Variants in FLNA observed in about 807,000 individuals in gnomAD.
FLNA encodes filamin A, also known as filamin-A.
FLNA carries 7 observed loss-of-function variants against 157.6 expected under a neutral mutation model. The observed-to-expected ratio is 0.04, with a 90% CI of 0.03 to 0.08. The LOEUF (loss-of-function observed/expected upper bound fraction) is 0.08, where lower values mean the gene tolerates loss of function less well. Among genes scored for constraint, FLNA ranks in the 10% least tolerant of loss-of-function variants. FLNA has a pLI of 1.00. For synonymous variants in FLNA, 1,103 were observed against 1,060.8 expected (o/e 1.04, Z -0.77); for missense variants, 1,750 against 2,398.4 (o/e 0.73, Z 5.65).
intron 1 of FLNA, 107 bp from the exon 2 acceptor site, chrX:154,371,468 A>T (rs1237678108): frequency 3.2e-6 from 1 of 310,392 alleles, no homozygotes. Flanking sequence ...CGCCTGCCCC[A>T]CCCCGCCCCG....
At chrX:154,356,538 G>A (rs184472632) in intron 30 of FLNA, among the ~76,000 whole-genome samples, 3 of 111,167 alleles carry the variant, frequency 2.7e-5, no homozygotes, top group Non-Finnish European at 3.8e-5. Context: ...TAGCCACCTC[G>A]CCCAAGTGCC....
chrX:154,361,888 G>A, intron 19 of FLNA, 91 bp downstream of exon 19: 2 of 1,120,237 alleles, frequency 1.8e-6, no homozygotes, highest in East Asian at 3.0e-5. Context: ...GGTAAGGAAT[G>A]AGAGTGGGCA....
At position 154,359,080 on chromosome X, in the gene FLNA, G is replaced by A; in HGVS notation, c.4378C>T (p.Pro1460Ser). The A allele has an allele frequency of 1.7e-6, 2 of 1,210,971 alleles. No homozygotes were observed. The highest frequency in any genetic ancestry group is 2.2e-6 in the Non-Finnish European group (2 of 895,126). The change falls in exon 26 of 48, where the codon CCA becomes TCA. Residue 1460 changes from proline (P) to serine (S), a missense_variant. Pro to Ser is a moderately conservative substitution (Grantham distance 74). Transcript: ENST00000369850. ...KVKCSGPGLS[P>S]GMVRANLPQS... ...GGGAGGTTGGCACGAACCATGCCTGGGCTCAGGCCGGGCCCAGAGCACTTG... is the reference window on the plus strand; with the variant it reads ...GGGAGGTTGGCACGAACCATGCCTGAGCTCAGGCCGGGCCCAGAGCACTTG...
Position 154,358,470 on chromosome X carries a change from A to G in FLNA, c.4573T>C (p.Tyr1525His). 8.3e-7 allele frequency: 1 copy of G among 1,210,095 alleles called. No individual in the cohort carries two copies. Among genetic ancestry groups the G allele is most frequent in the Non-Finnish European group, 1.1e-6 (1 of 894,786 alleles). ...REGPYSISVL[Y>H]GDEEVPRSPF... ...CTCCGGGGTACCTCTTCATCTCCATACAGTACTGAGATGCTGTAGGGCCCT... is the reference window on the plus strand; with the variant it reads ...CTCCGGGGTACCTCTTCATCTCCATGCAGTACTGAGATGCTGTAGGGCCCT... The change falls in exon 27 of 48, where the codon TAT (tyrosine) becomes CAT (histidine). Residue 1525 changes from tyrosine (Y) to histidine (H), a missense_variant. This residue lies in a region of FLNA where 970 missense variants were observed against 1,302.6 expected (regional missense o/e 0.74). Transcript: ENST00000369850.
At chrX:154,357,962 G>C (rs782517582) in intron 28 of FLNA, among the ~76,000 whole-genome samples, 1 of 112,518 alleles carries the variant, frequency 8.9e-6, no homozygotes, top group South Asian at 3.6e-4. Flanking sequence ...GGGAAACTGA[G>C]GCACAGAAGG....
intron 43 of FLNA, 101 bp downstream of exon 43, chrX:154,351,480 A>AG (rs1175368896): frequency 2.8e-5 from 16 of 572,215 alleles, no homozygotes; most frequent in East Asian, 1.1e-4. Context: ...GAGCTGGGCC[A>AG]GGGGGGTCAC....
chrX:154,359,207 C>G, intron 25 of FLNA, 39 bp downstream of exon 25: 1 of 1,210,740 alleles, frequency 8.3e-7, no homozygotes, highest in Non-Finnish European at 1.1e-6. Context: ...TGGGGACGAG[C>G]AGACAGTCCC....
chrX:154,363,789 G>A (rs1326013930), intron 15 of FLNA, among the ~76,000 whole-genome samples: 8 of 112,108 alleles, frequency 7.1e-5, no homozygotes, highest in Non-Finnish European at 1.5e-4. Context: ...CGAAAACACG[G>A]AAAACTTCGT....
chrX:154,348,958 C>T lies in FLNA; in HGVS notation c.7835G>A (p.Arg2612Gln), dbSNP rs200883457. 23 of 1,209,642 alleles carry T rather than the reference C, an allele frequency of 1.9e-5. No individual in the cohort carries two copies. The highest frequency in any genetic ancestry group is 4.6e-4 in the Middle Eastern group (2 of 4,367). Residue 2612 changes from arginine to glutamine, a missense_variant, in exon 48 of 48, where the codon CGG (arginine) becomes CAG (glutamine). Arg to Gln is a conservative substitution (Grantham distance 43, BLOSUM62 1). Coordinates refer to ENST00000369850, the MANE Select transcript of FLNA (RefSeq NM_001110556.2). Reference sequence around the variant, plus strand: ...GAGCAGGTAGGACACGCTGTAGAGCCGGCTGCCCACGTGCTTCACCAGGAT... The same window carrying T: ...GAGCAGGTAGGACACGCTGTAGAGCTGGCTGCCCACGTGCTTCACCAGGAT... ...EEILVKHVGS[R>Q]LYSVSYLLKD...
chrX:154,371,287 G>A lies in FLNA; in HGVS notation c.-42C>T, dbSNP rs782643721. Reference sequence around the variant, plus strand: ...CCGGGGGGGCGGTGCTGCAGCCTCGGCGAGGGGACGGCCCTTTAATTAAAG... The same window carrying A: ...CCGGGGGGGCGGTGCTGCAGCCTCGACGAGGGGACGGCCCTTTAATTAAAG... On this transcript the variant is annotated 5_prime_UTR_variant, in exon 2 of 48. Transcript: ENST00000369850. The A allele has an allele frequency of 2.5e-6, 3 of 1,187,003 alleles. No individual in the cohort carries two copies. Among genetic ancestry groups the A allele is most frequent in the Non-Finnish European group, 3.4e-6 (3 of 887,105 alleles).
rs1557175376 is a variant in FLNA at position 154,349,764 on chromosome X, G to A, written c.7437C>T (p.Cys2479=). 2 of 1,211,282 alleles carry A rather than the reference G, an allele frequency of 1.7e-6. No individual in the cohort carries two copies. The highest frequency in any genetic ancestry group is 3.0e-5 in the East Asian group (1 of 33,856). Residue 2479 remains cysteine (C), a synonymous_variant, in exon 46 of 48, where the codon TGC becomes TGT. Coordinates refer to ENST00000369850, the MANE Select transcript of FLNA (RefSeq NM_001110556.2). ...TATAGGTGACGCGGTAGCCCTCAGG[G>A]CACTCCTGGCAATCCATCTTCACCT... The part of the protein sequence containing the change: ...PSKVKMDCQE[C]PEGYRVTYTP...
chrX:154,365,927 C>A, intron 9 of FLNA, 97 bp downstream of exon 9: 2 of 867,891 alleles, frequency 2.3e-6, no homozygotes, highest in Non-Finnish European at 3.2e-6. Context: ...GTAGGGGCCC[C>A]GGGGCGGGCT....
At chrX:154,364,482 G>A in intron 13 of FLNA, 44 bp downstream of exon 13, 1 of 1,198,498 alleles carries the variant, frequency 8.3e-7, no homozygotes, top group Non-Finnish European at 1.1e-6. Flanking sequence ...ACCCCAAGCA[G>A]GAGCAGCAGG....
At chrX:154,361,243 G>A in intron 21 of FLNA, 65 bp downstream of exon 21, 2 of 1,097,932 alleles carry the variant, frequency 1.8e-6, no homozygotes, top group Non-Finnish European at 2.5e-6. Context: ...AGAAGATGGG[G>A]TACCTTTGGG....
At chrX:154,358,927 G>T (rs1004951833) in intron 26 of FLNA, 57 bp downstream of exon 26, 2 of 1,169,748 alleles carry the variant, frequency 1.7e-6, no homozygotes, top group Non-Finnish European at 2.3e-6. Flanking sequence ...TCCTTTCCCG[G>T]CCCTCAAACA....
rs781843787 is a variant in FLNA, at chrX:154,350,976, C to T, written c.7089G>A (p.Ala2363=). The T allele has an allele frequency of 2.5e-5, 30 of 1,209,700 alleles. No homozygotes were observed. Among genetic ancestry groups the T allele is most frequent in the Middle Eastern group, 2.3e-4 (1 of 4,371 alleles). The change falls in exon 44 of 48, where the codon GCG becomes GCA. Residue 2363 remains alanine (A), a synonymous_variant. Coordinates refer to ENST00000369850, the MANE Select transcript of FLNA (RefSeq NM_001110556.2). The part of the protein sequence containing the change: ...FAVSLNGAKG[A]IDAKVHSPSG... Reference sequence around the variant, plus strand: ...AGGGGCTGTGCACCTTGGCATCGATCGCCCCCTTGGCCCCGTTCAGGCTGA... The same window carrying T: ...AGGGGCTGTGCACCTTGGCATCGATTGCCCCCTTGGCCCCGTTCAGGCTGA...
intron 47 of FLNA, 96 bp downstream of exon 47, chrX:154,349,266 C>T (rs1434261878): frequency 1.0e-6 from 1 of 969,247 alleles, no homozygotes; most frequent in Non-Finnish European, 1.5e-6. Flanking sequence ...GAAAGCCACG[C>T]CCCAAAGGCG....
At position 154,362,582 on chromosome X, in the gene FLNA, C is replaced by T. The variant is rs368187218; in HGVS notation, c.2405-4G>A. 18 of 1,210,786 alleles carry T rather than the reference C, an allele frequency of 1.5e-5. No individual in the cohort carries two copies. The highest frequency in any genetic ancestry group is 1.9e-5 in the Non-Finnish European group (17 of 895,105). ...TTGATGCCGATGCTGACGTCCCCTG[C>T]GGCGGGGAGAGGAGCGGAGGCTGAG... On this transcript the variant is annotated splice_region_variant and splice_polypyrimidine_tract_variant and intron_variant, in intron 16 of 47. Transcript: ENST00000369850.
intron 30 of FLNA, among the ~76,000 whole-genome samples, chrX:154,355,746 C>G (rs1346773703): frequency 2.7e-5 from 3 of 113,108 alleles, no homozygotes; most frequent in Non-Finnish European, 5.6e-5. Context: ...CTACAGCCAC[C>G]ACTGCTGGGT....
Sources: allele counts gnomAD v4.1 joint callset (sites outside exome capture counted in the v4.1 genomes callset), GRCh38; gene constraint gnomAD v4.1.1; regional missense constraint gnomAD v4.1.1; transcripts MANE v1.5; gene names NCBI Gene and HGNC (gene_info 2026-07-23, HGNC 2026-07-21).